The following LRBA variants were observed in gnomAD, a reference collection of about 807,000 sequenced individuals.
LRBA encodes the protein lipopolysaccharide-responsive and beige-like anchor protein.
LRBA carries 176 observed loss-of-function variants against 330.0 expected under a neutral mutation model. That is an observed-to-expected ratio of 0.53 (90% confidence interval 0.47 to 0.60). The LOEUF (loss-of-function observed/expected upper bound fraction) is 0.60. Among genes scored for constraint, LRBA ranks in the 20% least tolerant of loss-of-function variants. The probability of loss-of-function intolerance (pLI) is 0.00; values close to 1 mark genes in which losing one functional copy is unlikely to be tolerated. For missense variants in LRBA, 3,259 were observed against 3,444.8 expected (o/e 0.95, Z 1.35); for synonymous variants, 1,230 against 1,193.0 (o/e 1.03, Z -0.64).
chr4:150,720,914 G>A (rs1728848141), intron 36 of LRBA: 1 of 367,022 alleles, frequency 2.7e-6, no homozygotes, highest in Non-Finnish European at 5.3e-6. Context: ...AGATAACAAA[G>A]CAATGTCTGC....
intron 53 of LRBA, among the ~76,000 whole-genome samples, chr4:150,299,300 C>T (rs1489099422): frequency 6.6e-6 from 1 of 152,042 alleles, no homozygotes; most frequent in Non-Finnish European, 1.5e-5. Flanking sequence ...ATCCTATATT[C>T]ATTTTTCTTC....
At chr4:150,931,300 A>G (rs1304036783) in intron 2 of LRBA, among the ~76,000 whole-genome samples, 1 of 151,784 alleles carries the variant, frequency 6.6e-6, no homozygotes, top group Non-Finnish European at 1.5e-5. Context: ...TCATAAAAAG[A>G]TTTAAAAAAA....
chr4:150,791,853 C>A (rs1052308237), intron 34 of LRBA, among the ~76,000 whole-genome samples: 2 of 151,684 alleles, frequency 1.3e-5, no homozygotes, highest in South Asian at 4.2e-4. Flanking sequence ...ACAGTGAAAC[C>A]CCGTCTCTAC....
chr4:150,782,485 T>C (rs1578765517), intron 34 of LRBA, among the ~76,000 whole-genome samples: 1 of 152,172 alleles, frequency 6.6e-6, no homozygotes, highest in African/African-American at 2.4e-5. Flanking sequence ...GTTCCTTGCT[T>C]CTTCCAGCTT....
In LRBA at chr4:150,319,667, A is replaced by G. The variant is rs138631713; in HGVS notation, c.7630+1524T>C. On this transcript the variant is annotated intron_variant, in intron 50 of 56. Coordinates refer to ENST00000651943, the MANE Select transcript of LRBA (RefSeq NM_001364905.1). ...ACTGTCTCTACCTTTTCTGAAATCTATTTTGTAGTCAAATATTGGCATTTA... is the reference window on the plus strand; with the variant it reads ...ACTGTCTCTACCTTTTCTGAAATCTGTTTTGTAGTCAAATATTGGCATTTA... Among the ~76,000 whole-genome samples the G allele has an allele frequency of 3.2e-4, 49 of 152,258 alleles. No individual in the cohort carries two copies. The East Asian group carries it at 9.5e-3, about 29-fold the overall frequency.
chr4:150,793,505 T>C (rs1740297280), intron 34 of LRBA, among the ~76,000 whole-genome samples: 1 of 152,142 alleles, frequency 6.6e-6, no homozygotes, highest in African/African-American at 2.4e-5. Flanking sequence ...GTCCAAAATA[T>C]GGTGACTTAT....
chr4:150,322,708 C>G (rs189458160), intron 49 of LRBA, among the ~76,000 whole-genome samples: 2 of 152,256 alleles, frequency 1.3e-5, no homozygotes, highest in South Asian at 4.1e-4. Context: ...ATAAGCTACC[C>G]GGACACCCTT....
At chr4:150,706,241 T>A (rs1785605578) in intron 36 of LRBA, among the ~76,000 whole-genome samples, 1 of 151,844 alleles carries the variant, frequency 6.6e-6, no homozygotes, top group South Asian at 2.1e-4. Flanking sequence ...TTGATTAATA[T>A]GCTAGCTTGA....
At chr4:150,969,934 C>G (rs779413283) in intron 2 of LRBA, among the ~76,000 whole-genome samples, 1 of 152,170 alleles carries the variant, frequency 6.6e-6, no homozygotes, top group African/African-American at 2.4e-5. Flanking sequence ...TCATAGAACA[C>G]TACTGAACAG....
Position 150,916,707 on chromosome 4 carries a change from G to T in LRBA, c.677C>A (p.Pro226Gln), listed in dbSNP as rs755523211. The T allele has an allele frequency of 1.3e-6, 2 of 1,587,714 alleles. No individual in the cohort carries two copies. The highest frequency in any genetic ancestry group is 2.4e-5 in the South Asian group (2 of 85,026). The change falls in exon 6 of 57, where the codon CCA becomes CAA. Residue 226 changes from proline (P) to glutamine (Q), a missense_variant. Pro to Gln is a moderately conservative substitution (Grantham distance 76, BLOSUM62 -1). Coordinates refer to ENST00000651943, the MANE Select transcript of LRBA (RefSeq NM_001364905.1). ...ATGAAATGTAAAACCATTCTGGTAT[G>T]GCCATTTGGCTATAGGAGGTAATGC... Reference protein sequence around the residue: ...AIALPPIAKWPYQNGFTFHTW... With the variant: ...AIALPPIAKWQYQNGFTFHTW...
chr4:150,959,253 A>G (rs1485203186), intron 2 of LRBA, among the ~76,000 whole-genome samples: 1 of 149,076 alleles, frequency 6.7e-6, no homozygotes, highest in African/African-American at 2.6e-5. Context: ...TAAAACCATC[A>G]GATCTCGTGA....
At chr4:150,851,436 C>A (rs1421501623) in intron 23 of LRBA, among the ~76,000 whole-genome samples, 1 of 152,222 alleles carries the variant, frequency 6.6e-6, no homozygotes, top group East Asian at 1.9e-4. Context: ...GGCTGTGCCT[C>A]TAGATCTCAC....
intron 40 of LRBA, among the ~76,000 whole-genome samples, chr4:150,512,748 G>A (rs921263637): frequency 4.1e-5 from 6 of 146,192 alleles, no homozygotes; most frequent in Non-Finnish European, 9.0e-5. Flanking sequence ...AAGATGAAGA[G>A]TCCTTGTTCT....
intron 18 of LRBA, 40 bp downstream of exon 18, chr4:150,872,619 ATAAG>A (rs1560944811): frequency 8.1e-7 from 1 of 1,237,774 alleles, no homozygotes; most frequent in Admixed American, 1.9e-5. Context: ...TATAAAATAA[ATAAG>A]TAGAATACAA....
At chr4:150,672,170 TACTA>T (rs1292160394) in intron 37 of LRBA, among the ~76,000 whole-genome samples, 1 of 152,166 alleles carries the variant, frequency 6.6e-6, no homozygotes, top group Non-Finnish European at 1.5e-5. Flanking sequence ...TTCTTAAAAA[TACTA>T]ACTACCAAGC....
intron 48 of LRBA, among the ~76,000 whole-genome samples, chr4:150,338,735 C>A (rs1013951072): frequency 6.6e-6 from 1 of 152,012 alleles, no homozygotes; most frequent in East Asian, 1.9e-4. Flanking sequence ...TAGGAAAGGA[C>A]AATGAGTTCT....
chr4:150,613,468 A>AC (rs1489807618), intron 37 of LRBA, among the ~76,000 whole-genome samples: 1 of 152,242 alleles, frequency 6.6e-6, no homozygotes, highest in African/African-American at 2.4e-5. Flanking sequence ...CAAGTAAGAA[A>AC]CAATTGGGTA....
intron 2 of LRBA, among the ~76,000 whole-genome samples, chr4:151,011,308 T>C (rs1342471182): frequency 6.6e-6 from 1 of 151,924 alleles, no homozygotes; most frequent in Non-Finnish European, 1.5e-5. Flanking sequence ...TTTAAGTAGC[T>C]AATATTTAGG....
chr4:150,877,402 G>A (rs1261044643), intron 17 of LRBA, among the ~76,000 whole-genome samples: 5 of 151,834 alleles, frequency 3.3e-5, no homozygotes, highest in South Asian at 2.1e-4. Context: ...TAAAACAAAC[G>A]ATAAACTATC....
Sources: allele counts gnomAD v4.1 joint callset (sites outside exome capture counted in the v4.1 genomes callset), GRCh38; gene constraint gnomAD v4.1.1; transcripts MANE v1.5; gene names NCBI Gene and HGNC (gene_info 2026-07-23, HGNC 2026-07-21).